Variants in ARHGEF11 observed in about 807,000 individuals in gnomAD.
ARHGEF11 encodes Rho guanine exchange factor (GEF) 11.
ARHGEF11 carries 55 observed loss-of-function variants against 193.7 expected under a neutral mutation model. The ratio of observed to expected loss-of-function variants is 0.28; its 90% CI spans 0.23 to 0.36. ARHGEF11 has a LOEUF of 0.36. Among genes scored for constraint, ARHGEF11 ranks in the 10% least tolerant of loss-of-function variants. ARHGEF11 has a pLI of 1.00. For synonymous variants in ARHGEF11, 693 were observed against 768.0 expected (o/e 0.90, Z 1.62); for missense variants, 1,723 against 2,005.6 (o/e 0.86, Z 2.69).
intron 19 of ARHGEF11, 68 bp downstream of exon 19, chr1:156,956,348 TCAGG>T (rs1295996460): frequency 4.5e-6 from 7 of 1,539,482 alleles, no homozygotes. Flanking sequence ...ACTCCTGAGC[TCAGG>T]CAATCACCCG....
intron 5 of ARHGEF11, among the ~76,000 whole-genome samples, chr1:156,978,888 A>C (rs765447903): frequency 6.6e-6 from 1 of 152,244 alleles, no homozygotes; most frequent in Non-Finnish European, 1.5e-5. Flanking sequence ...CAAACAGAAA[A>C]CAAATGAGGA....
chr1:157,044,219 CCATT>C, intron 1 of ARHGEF11, 76 bp downstream of exon 1: 1 of 1,373,084 alleles, frequency 7.3e-7, no homozygotes, highest in Non-Finnish European at 1.0e-6. Flanking sequence ...CTATTTTCAA[CCATT>C]TATTAAAATG....
chr1:156,984,587 A>G (rs1664662147), intron 2 of ARHGEF11, 150 bp from the exon 3 acceptor site: 1 of 596,724 alleles, frequency 1.7e-6, no homozygotes, highest in African/African-American at 1.9e-5. Context: ...CTGTCTAAAC[A>G]CTATTGCAAT....
rs1334884004 is a variant in ARHGEF11, at chr1:157,044,156, T to TC, written c.32+142dup. ...TGCACATAACCACATAGGCTGACAGTCCCCAGAGACTAATGCTCCTAGCCC... is the reference window on the plus strand; with the variant it reads ...TGCACATAACCACATAGGCTGACAGTCCCCCAGAGACTAATGCTCCTAGCCC... On this transcript the variant is annotated intron_variant, in intron 1 of 40. Coordinates refer to ENST00000368194, the MANE Select transcript of ARHGEF11 (RefSeq NM_198236.3). 9 of 755,874 alleles carry TC rather than the reference T, an allele frequency of 1.2e-5. No homozygotes were observed. In the African/African-American group the frequency reaches 1.6e-4, roughly 13 times the overall value. The allele number at this position is 755,874 out of a possible 1,614,324, so 46.8% of individuals were successfully genotyped here. A position where few individuals can be genotyped will look rare whatever the true frequency, so the allele number is the denominator to read the frequency against.
rs145341956 is a variant in ARHGEF11, at chr1:156,941,897, C to T, written c.3419G>A (p.Arg1140Gln). Reference protein sequence around the residue: ...MPVHPPPPGPREPAQQGPTPS... With the variant: ...MPVHPPPPGPQEPAQQGPTPS... ...TGTGGGGCCCTGCTGGGCTGGCTCC[C>T]GGGGACCTGGGGGTGGAGGATGGAC... The change falls in exon 34 of 41, where the codon CGG (arginine) becomes CAG (glutamine). Residue 1140 changes from arginine (R) to glutamine (Q), a missense_variant. Around this residue, in one of 5 missense-constraint regions of ARHGEF11, gnomAD observed 203 missense variants for 237.3 expected, o/e 0.86. Transcript: ENST00000368194. 18 of 1,613,068 alleles carry T rather than the reference C, an allele frequency of 1.1e-5. No homozygotes were observed. Among genetic ancestry groups the T allele is most frequent in the Middle Eastern group, 1.6e-4 (1 of 6,064 alleles).
At chr1:157,016,708 G>A (rs1669280163) in intron 1 of ARHGEF11, among the ~76,000 whole-genome samples, 1 of 152,204 alleles carries the variant, frequency 6.6e-6, no homozygotes, top group Non-Finnish European at 1.5e-5. Context: ...GTATGTAGGA[G>A]TGTAGACAAA....
At chr1:157,013,696 A>G (rs1668850876) in intron 1 of ARHGEF11, among the ~76,000 whole-genome samples, 2 of 146,136 alleles carry the variant, frequency 1.4e-5, no homozygotes, top group South Asian at 2.2e-4. Flanking sequence ...CCAGAACTAC[A>G]TTTTGAATCT....
At chr1:156,961,192 T>C (rs1167547287) in intron 14 of ARHGEF11, among the ~76,000 whole-genome samples, 1 of 152,204 alleles carries the variant, frequency 6.6e-6, no homozygotes, top group East Asian at 1.9e-4. Context: ...GGGAACTCTG[T>C]CCCAATGCAC....
intron 1 of ARHGEF11, among the ~76,000 whole-genome samples, chr1:157,008,002 AATGCTTATTAAATAAAAG>A (rs1668059935): frequency 1.3e-5 from 2 of 151,428 alleles, no homozygotes; most frequent in East Asian, 1.9e-4. Context: ...ATGCTCCAAA[AATGCTTATTAAATAAAAG>A]AATAAGCCTA....
chr1:156,948,550 C>G lies in ARHGEF11; in HGVS notation c.1926-52G>C, dbSNP rs1341710028. 1 of 1,613,934 alleles carries G rather than the reference C, an allele frequency of 6.2e-7. No homozygotes were observed. Among genetic ancestry groups the G allele is most frequent in the South Asian group, 1.1e-5 (1 of 91,042 alleles). On this transcript the variant is annotated intron_variant, in intron 22 of 40. Coordinates refer to ENST00000368194, the MANE Select transcript of ARHGEF11 (RefSeq NM_198236.3). The surrounding 1 kb of genome is among the most constrained non-coding windows in gnomAD (Gnocchi z 4.2). ...GGACTTGGGAAGTCAGTGGGCCATGCTTACATCCTGGCTAACTCTTACCTG... is the reference window on the plus strand; with the variant it reads ...GGACTTGGGAAGTCAGTGGGCCATGGTTACATCCTGGCTAACTCTTACCTG...
At chr1:157,040,245 T>C (rs150322406) in intron 1 of ARHGEF11, among the ~76,000 whole-genome samples, 1,950 of 152,316 alleles carry the variant, frequency 0.013, 38 homozygotes, top group African/African-American at 0.044. Context: ...CCGGGACTTA[T>C]CATACGTAGC....
At chr1:157,005,841 T>G (rs1404862332) in intron 1 of ARHGEF11, among the ~76,000 whole-genome samples, 1 of 152,234 alleles carries the variant, frequency 6.6e-6, no homozygotes, top group Non-Finnish European at 1.5e-5. Context: ...TAAAGGGCAC[T>G]TGTTTTGACA....
intron 7 of ARHGEF11, among the ~76,000 whole-genome samples, chr1:156,974,539 A>G (rs1157137039): frequency 6.6e-6 from 1 of 152,224 alleles, no homozygotes; most frequent in African/African-American, 2.4e-5. Context: ...AAACGTCACC[A>G]TTTTAAAGTG....
Position 156,948,442 on chromosome 1 carries a change from A to C in ARHGEF11, c.1982T>G (p.Met661Arg), listed in dbSNP as rs746964946. 9 of 1,614,244 alleles carry C rather than the reference A, an allele frequency of 5.6e-6. No homozygotes were observed. In the South Asian group the frequency reaches 8.8e-5, roughly 16 times the overall value. Residue 661 changes from methionine (M) to arginine (R), a missense_variant, in exon 23 of 41, where the codon ATG becomes AGG. Transcript: ENST00000368194. This position sits in a 1 kb window ranked among gnomAD's most constrained non-coding sequence, Gnocchi z 4.2. ...GTTCTCTGCCTTTCGAGACCGTTTC[A>C]TCTCTTCCCGGCCCTTGAGGCTTTC... ...RSESLKGREE[M>R]KRSRKAENVP...
At chr1:157,033,160 C>T (rs1671499223) in intron 1 of ARHGEF11, among the ~76,000 whole-genome samples, 1 of 152,156 alleles carries the variant, frequency 6.6e-6, no homozygotes, top group Non-Finnish European at 1.5e-5. Context: ...CCTTGGATCT[C>T]CCACAGGCAC....
chr1:157,023,648 A>G (rs768147744), intron 1 of ARHGEF11, among the ~76,000 whole-genome samples: 4 of 152,048 alleles, frequency 2.6e-5, no homozygotes, highest in Non-Finnish European at 4.4e-5. Context: ...CGCCTGTAAT[A>G]CCAGCTACTT....
At chr1:156,994,392 G>GT (rs33948204) in intron 1 of ARHGEF11, among the ~76,000 whole-genome samples, 75,474 of 143,818 alleles carry the variant, frequency 0.52, 20,593 homozygotes, top group Middle Eastern at 0.68. Context: ...TTTATTGTGT[G>GT]TTTTTTTTTT....
intron 3 of ARHGEF11, among the ~76,000 whole-genome samples, chr1:156,980,999 T>TA (rs1472798822): frequency 1.3e-5 from 2 of 152,134 alleles, no homozygotes; most frequent in East Asian, 1.9e-4. Context: ...TTCTTTCTTT[T>TA]AAAAAAACTG....
At chr1:157,025,375 G>A (rs575640370) in intron 1 of ARHGEF11, among the ~76,000 whole-genome samples, 2 of 152,336 alleles carry the variant, frequency 1.3e-5, no homozygotes, top group South Asian at 4.1e-4. Context: ...ATACAAAGTA[G>A]GTGTAGATGC....
Sources: allele counts gnomAD v4.1 joint callset (sites outside exome capture counted in the v4.1 genomes callset), GRCh38; gene constraint gnomAD v4.1.1; regional missense constraint gnomAD v4.1.1; non-coding constraint Gnocchi (gnomAD v3.1); transcripts MANE v1.5; gene names NCBI Gene and HGNC (gene_info 2026-07-23, HGNC 2026-07-21).